The following NAIF1 variants were observed in gnomAD, a reference collection of about 807,000 sequenced individuals.
The protein encoded by NAIF1 is nuclear apoptosis inducing factor 1, also known as nuclear apoptosis-inducing factor 1.
NAIF1 carries 14 observed loss-of-function variants against 20.7 expected under a neutral mutation model. The ratio of observed to expected loss-of-function variants is 0.67; its 90% confidence interval spans 0.45 to 1.05. The LOEUF (loss-of-function observed/expected upper bound fraction) is 1.05, where lower values mean the gene tolerates loss of function less well. Ranked by LOEUF, NAIF1 falls within the 50% of genes least tolerant of loss-of-function variation. NAIF1 has a pLI of 0.00. For synonymous variants in NAIF1, 191 were observed against 191.4 expected (o/e 1.00, Z 0.02); for missense variants, 362 against 448.8 (o/e 0.81, Z 1.75).
chr9:128,064,973 A>G (rs1352730334), intron 1 of NAIF1, among the ~76,000 whole-genome samples: 7 of 149,466 alleles, frequency 4.7e-5, no homozygotes, highest in Non-Finnish European at 8.9e-5. Flanking sequence ...TCCATCTCAT[A>G]AAAGAAAGAA....
intron 1 of NAIF1, among the ~76,000 whole-genome samples, chr9:128,064,611 C>A (rs1376835114): frequency 6.6e-6 from 1 of 152,148 alleles, no homozygotes; most frequent in East Asian, 1.9e-4. Flanking sequence ...GCTAAGGTCA[C>A]AGAGCTCATT....
chr9:128,066,752 C>T lies in NAIF1; in HGVS notation c.350G>A (p.Gly117Asp). The T allele has an allele frequency of 6.2e-7, 1 of 1,607,154 alleles. No individual in the cohort carries two copies. The highest frequency in any genetic ancestry group is 1.3e-5 in the African/African-American group (1 of 74,986). Residue 117 changes from glycine to aspartate, a missense_variant, in exon 1 of 2, where the codon GGC (glycine) becomes GAC (aspartate). Gly to Asp is a moderately conservative substitution (Grantham distance 94, BLOSUM62 -1). This residue lies in a region of NAIF1 where 300 missense variants were observed against 342.7 expected (regional missense o/e 0.88). Coordinates refer to ENST00000373078, the MANE Select transcript of NAIF1 (RefSeq NM_197956.4). Reference sequence around the variant, plus strand: ...CAGCAGCACTGGGGCTACAGCTGGGCCACCGCCACCACTGCCACCGCCTGT... The same window carrying T: ...CAGCAGCACTGGGGCTACAGCTGGGTCACCGCCACCACTGCCACCGCCTGT... ...PGTGGGSGGG[G>D]PAVAPVLLTP... is the part of the protein sequence containing the mutation.
chr9:128,066,505 T>G (rs1324142016), intron 1 of NAIF1, 86 bp downstream of exon 1: 10 of 1,418,272 alleles, frequency 7.1e-6, no homozygotes, highest in Non-Finnish European at 9.2e-6. Context: ...CCTCTGACCC[T>G]TGGCAGCCAA....
chr9:128,063,992 T>C lies in NAIF1; in HGVS notation c.512-92A>G, dbSNP rs919553389. The C allele has an allele frequency of 9.0e-7, 1 of 1,111,714 alleles. No homozygotes were observed. Among genetic ancestry groups the C allele is most frequent in the African/African-American group, 1.6e-5 (1 of 64,036 alleles). 68.9% of individuals were successfully genotyped at this position (1,111,714 alleles called of 1,614,324 possible). ...GGGTGGGGAGGAGGCCATAAAGTCC[T>C]GTCCTGGAGGGACATAAAGGGGAAT... On this transcript the variant is annotated intron_variant, in intron 1 of 1. Coordinates refer to ENST00000373078, the MANE Select transcript of NAIF1 (RefSeq NM_197956.4). This position sits in a 1 kb window ranked among gnomAD's most constrained non-coding sequence, Gnocchi z 4.3.
In NAIF1 at chr9:128,063,378, C is replaced by G; in HGVS notation, c.*50G>C. The G allele has an allele frequency of 6.5e-7, 1 of 1,534,584 alleles. No homozygotes were observed. The highest frequency in any genetic ancestry group is 8.9e-7 in the Non-Finnish European group (1 of 1,129,594). ...CCAATCACAGGACCCACTTACAAGT[C>G]CATGGAGTTTTCATCCCATCATGGC... On this transcript the variant is annotated 3_prime_UTR_variant, in exon 2 of 2. Coordinates refer to ENST00000373078, the MANE Select transcript of NAIF1 (RefSeq NM_197956.4). The surrounding 1 kb of genome is among the most constrained non-coding windows in gnomAD (Gnocchi z 4.3).
rs950221300 is a variant in NAIF1 at position 128,066,898 on chromosome 9, G to A, written c.204C>T (p.Val68=). ...TCTTGAGGTCAGACCACTTCTTCTTGACCTCAGGCAGCTCTCTGCGGCAGG... is the reference window on the plus strand; with the variant it reads ...TCTTGAGGTCAGACCACTTCTTCTTAACCTCAGGCAGCTCTCTGCGGCAGG... The part of the protein sequence containing the change: ...VATCRRELPE[V]KKKWSDLKTE... Residue 68 remains valine, a synonymous_variant, in exon 1 of 2, where the codon GTC becomes GTT. Coordinates refer to ENST00000373078, the MANE Select transcript of NAIF1 (RefSeq NM_197956.4). 1.6e-5 allele frequency: 26 copies of A among 1,613,132 alleles called. No individual in the cohort carries two copies. Among genetic ancestry groups the A allele is most frequent in the Non-Finnish European group, 2.2e-5 (26 of 1,180,012 alleles).
In NAIF1 at chr9:128,063,489, G is replaced by A. The variant is rs1175928438; in HGVS notation, c.923C>T (p.Ala308Val). ...RYLQSNTANP[A>V]PASDPGQVAQ... ...CACCTGCCCAGGGTCAGAGGCGGGG[G>A]CCGGGTTAGCTGTGTTGCTCTGCAG... Residue 308 changes from alanine (A) to valine (V), a missense_variant, in exon 2 of 2, where the codon GCC becomes GTC. By Grantham distance (64) the Ala-to-Val change is moderately conservative. Coordinates refer to ENST00000373078, the MANE Select transcript of NAIF1 (RefSeq NM_197956.4). This position sits in a 1 kb window ranked among gnomAD's most constrained non-coding sequence, Gnocchi z 4.3. 3 of 1,609,558 alleles carry A rather than the reference G, an allele frequency of 1.9e-6. No homozygotes were observed. The highest frequency in any genetic ancestry group is 2.5e-6 in the Non-Finnish European group (3 of 1,180,024).
chr9:128,065,242 G>A (rs942629717), intron 1 of NAIF1, among the ~76,000 whole-genome samples: 3 of 151,170 alleles, frequency 2.0e-5, no homozygotes, highest in Non-Finnish European at 2.9e-5. Context: ...TCAGCCTCCC[G>A]AGTAGCTGGG....
Position 128,066,647 on chromosome 9 carries a change from G to C in NAIF1, c.455C>G (p.Pro152Arg), listed in dbSNP as rs766195454. The change falls in exon 1 of 2, where the codon CCT becomes CGT. Residue 152 changes from proline (P) to arginine (R), a missense_variant. Pro to Arg is a moderately radical substitution (Grantham distance 103). This residue lies in a region of NAIF1 where 300 missense variants were observed against 342.7 expected (regional missense o/e 0.88). Coordinates refer to ENST00000373078, the MANE Select transcript of NAIF1 (RefSeq NM_197956.4). Reference protein sequence around the residue: ...ISLPSTTEIHPVALGPSATAA... With the variant: ...ISLPSTTEIHRVALGPSATAA... ...GGTGGCCGAGGGTCCGAGGGCCACA[G>C]GGTGGATCTCTGTGGTGCTGGGCAG... 1 of 1,572,818 alleles carries C rather than the reference G, an allele frequency of 6.4e-7. No individual in the cohort carries two copies. Among genetic ancestry groups the C allele is most frequent in the Admixed American group, 1.8e-5 (1 of 55,050 alleles).
In NAIF1 at chr9:128,067,119, CT is replaced by C; in HGVS notation, c.-19del. 1 of 1,564,384 alleles carries C rather than the reference CT, an allele frequency of 6.4e-7. No homozygotes were observed. On this transcript the variant is annotated 5_prime_UTR_variant, in exon 1 of 2. Transcript: ENST00000373078. Reference sequence around the variant, plus strand: ...ACGGCCATGGCCTCTCCCCTCCCCTCTTTTTAAAGAAATTATAATCCCCTCA... The same window carrying C: ...ACGGCCATGGCCTCTCCCCTCCCCTCTTTTAAAGAAATTATAATCCCCTCA...
At chr9:128,065,066 G>A (rs10760528) in intron 1 of NAIF1, among the ~76,000 whole-genome samples, 101,969 of 150,358 alleles carry the variant, frequency 0.68, 37,371 homozygotes, top group East Asian at 0.81. Context: ...CTCTACACAC[G>A]CTCTTTGCAG....
Position 128,063,755 on chromosome 9 carries a change from C to T in NAIF1, c.657G>A (p.Lys219=). 1.1e-5 allele frequency: 17 copies of T among 1,614,198 alleles called. No homozygotes were observed. The highest frequency in any genetic ancestry group is 1.4e-5 in the Non-Finnish European group (17 of 1,180,048). ...TGGCGGAGTTGAGAGCAATGCGGCTCTTGAGCGCTTGCGGCTTGACCGACG... is the reference window on the plus strand; with the variant it reads ...TGGCGGAGTTGAGAGCAATGCGGCTTTTGAGCGCTTGCGGCTTGACCGACG... ...ADTSVKPQAL[K]SRIALNSAKL... The change falls in exon 2 of 2, where the codon AAG becomes AAA. Residue 219 remains lysine (K), a synonymous_variant. Transcript: ENST00000373078. The surrounding 1 kb of genome is among the most constrained non-coding windows in gnomAD (Gnocchi z 4.3).
At chr9:128,066,030 G>A (rs1338732219) in intron 1 of NAIF1, 1 of 152,230 alleles carries the variant, frequency 6.6e-6, no homozygotes, top group Admixed American at 6.6e-5. Flanking sequence ...AGACAACTTG[G>A]TAATCCCAGT....
At position 128,061,927 on chromosome 9, in the gene NAIF1, C is replaced by T. The variant is rs570776624; in HGVS notation, c.*1501G>A. 2 of 152,230 alleles carry T rather than the reference C, an allele frequency of 1.3e-5. No individual in the cohort carries two copies. The highest frequency in any genetic ancestry group is 4.8e-5 in the African/African-American group (2 of 41,444). The allele number at this position is 152,230 out of a possible 1,614,324, so 9.4% of individuals were successfully genotyped here. A position where few individuals can be genotyped will look rare whatever the true frequency, so the allele number is the denominator to read the frequency against. ...ACAGGGAACAGCACCTCCTTCAGCA[C>T]TCCAAGGCTCTGCCTGCTCTTCCCT... On this transcript the variant is annotated 3_prime_UTR_variant, in exon 2 of 2. Coordinates refer to ENST00000373078, the MANE Select transcript of NAIF1 (RefSeq NM_197956.4).
In NAIF1 at chr9:128,067,131, A is replaced by C. The variant is rs745537258; in HGVS notation, c.-30T>G. ...TCTCCCCTCCCCTCTTTTTAAAGAAATTATAATCCCCTCAAGCGCCCCAAT... is the reference window on the plus strand; with the variant it reads ...TCTCCCCTCCCCTCTTTTTAAAGAACTTATAATCCCCTCAAGCGCCCCAAT... On this transcript the variant is annotated 5_prime_UTR_variant, in exon 1 of 2. Coordinates refer to ENST00000373078, the MANE Select transcript of NAIF1 (RefSeq NM_197956.4). 6 of 1,553,604 alleles carry C rather than the reference A, an allele frequency of 3.9e-6. No individual in the cohort carries two copies. The East Asian group carries it at 1.4e-4, about 35-fold the overall frequency.
At position 128,061,822 on chromosome 9, in the gene NAIF1, T is replaced by C. The variant is rs1244645649; in HGVS notation, c.*1606A>G. 6.6e-6 allele frequency: 1 copy of C among 152,118 alleles called. No homozygotes were observed. The highest frequency in any genetic ancestry group is 6.6e-5 in the Admixed American group (1 of 15,258). The allele number at this position is 152,118 out of a possible 1,614,324, so 9.4% of individuals were successfully genotyped here. A position where few individuals can be genotyped will look rare whatever the true frequency, so the allele number is the denominator to read the frequency against. ...ATGCAAGGGCCTTGGTAATTGATGG[T>C]GAGTCTGAAAATGAAACAGACAAAT... On this transcript the variant is annotated 3_prime_UTR_variant, in exon 2 of 2. Coordinates refer to ENST00000373078, the MANE Select transcript of NAIF1 (RefSeq NM_197956.4).
Position 128,067,182 on chromosome 9 carries a change from GC to G in NAIF1, c.-82del, listed in dbSNP as rs1412526837. The stretch of plus-strand genomic sequence containing the variant: ...TCCCCTTCTCTTCTTCCTCAGCCTC[GC>G]CCCTCACCCACCCCCTACAGGGGAT... On this transcript the variant is annotated 5_prime_UTR_variant, in exon 1 of 2. Transcript: ENST00000373078. The G allele has an allele frequency of 4.7e-6, 7 of 1,486,772 alleles. No individual in the cohort carries two copies. The East Asian group carries it at 1.4e-4, about 29-fold the overall frequency. The allele number at this position is 1,486,772 out of a possible 1,614,324, so 92.1% of individuals were successfully genotyped here.
rs10987855 is a variant in NAIF1, at chr9:128,063,290, C to T, written c.*138G>A. ...CCCAACAAATTCCTCTTCTCAAAAA[C>T]AGTGCAACCCCTAAGCGTTTATTAA... On this transcript the variant is annotated 3_prime_UTR_variant, in exon 2 of 2. Coordinates refer to ENST00000373078, the MANE Select transcript of NAIF1 (RefSeq NM_197956.4). This position sits in a 1 kb window ranked among gnomAD's most constrained non-coding sequence, Gnocchi z 4.3. The T allele has an allele frequency of 2.2e-3, 1,673 of 765,208 alleles. 23 individuals carry two copies. The African/African-American group carries it at 0.026, about 12-fold the overall frequency. The allele number at this position is 765,208 out of a possible 1,614,324, so 47.4% of individuals were successfully genotyped here.
Position 128,067,138 on chromosome 9 carries a change from T to A in NAIF1, c.-37A>T. 6.5e-7 allele frequency: 1 copy of A among 1,544,876 alleles called. No homozygotes were observed. Among genetic ancestry groups the A allele is most frequent in the African/African-American group, 1.4e-5 (1 of 73,134 alleles). ...TCCCCTCTTTTTAAAGAAATTATAA[T>A]CCCCTCAAGCGCCCCAATTCCCCTT... On this transcript the variant is annotated 5_prime_UTR_variant, in exon 1 of 2. Transcript: ENST00000373078.
Sources: allele counts gnomAD v4.1 joint callset (sites outside exome capture counted in the v4.1 genomes callset), GRCh38; gene constraint gnomAD v4.1.1; regional missense constraint gnomAD v4.1.1; non-coding constraint Gnocchi (gnomAD v3.1); transcripts MANE v1.5; gene names NCBI Gene and HGNC (gene_info 2026-07-23, HGNC 2026-07-21).